GADL1: variants seen among roughly 807,000 people sequenced by gnomAD.
GADL1 encodes the protein GAD like acidic amino acid decarboxylase 1.
Under a neutral mutation model 69.5 loss-of-function variants are expected in GADL1, and 71 were observed. The ratio of observed to expected loss-of-function variants is 1.02; its 90% CI spans 0.84 to 1.25. The LOEUF is 1.25. Among genes scored for constraint, GADL1 ranks in the 50% most tolerant of loss-of-function variants. GADL1 has a pLI of 0.00. For missense variants in GADL1, 737 were observed against 631.8 expected, an observed-to-expected ratio of 1.17 and a Z score of -1.79; for synonymous variants, 254 against 214.4, an observed-to-expected ratio of 1.18 and a Z score of -1.62.
Position 30,854,711 on chromosome 3 carries a change from A to G in GADL1, c.416T>C (p.Leu139Ser). ...GCATGGCACTTACACACTTGGATTC[A>G]ATGCTTCGGTCATAAATCGGGCCAC... ...SLVARFMTEALNPSVYTYEVS... is the reference protein window; with the variant it reads ...SLVARFMTEASNPSVYTYEVS... The change falls in exon 4 of 15, where the codon TTG becomes TCG. Residue 139 changes from leucine to serine, a missense_variant. Transcript: ENST00000282538. 6.5e-7 allele frequency: 1 copy of G among 1,546,868 alleles called. No individual in the cohort carries two copies. The highest frequency in any genetic ancestry group is 8.7e-7 in the Non-Finnish European group (1 of 1,142,912).
rs558313127 is a variant in GADL1, at chr3:30,870,056, T to G, written c.38-8291A>C. ...TTCATCCAATCAGCAAATACTTATATTTAGTGCCTATTATGTATAGAACTC... is the reference window on the plus strand; with the variant it reads ...TTCATCCAATCAGCAAATACTTATAGTTAGTGCCTATTATGTATAGAACTC... On this transcript the variant is annotated intron_variant, in intron 1 of 14. Transcript: ENST00000282538. Among the ~76,000 whole-genome samples the G allele has an allele frequency of 8.6e-5, 13 of 151,980 alleles. 1 individual carries two copies. Among genetic ancestry groups the G allele is most frequent in the African/African-American group, 3.1e-4 (13 of 41,406 alleles).
At chr3:30,784,936 C>A (rs1347953605) in intron 13 of GADL1, among the ~76,000 whole-genome samples, 1 of 152,280 alleles carries the variant, frequency 6.6e-6, no homozygotes, top group African/African-American at 2.4e-5. Context: ...AAAGACAGAA[C>A]TCTCTTCAGC....
At chr3:30,801,758 C>T (rs1263689141) in intron 11 of GADL1, among the ~76,000 whole-genome samples, 1 of 152,140 alleles carries the variant, frequency 6.6e-6, no homozygotes, top group African/African-American at 2.4e-5. Flanking sequence ...GATTATAGGG[C>T]CTTTGCCTCG....
chr3:30,742,653 T>C (rs946086559), intron 14 of GADL1, among the ~76,000 whole-genome samples: 3 of 152,104 alleles, frequency 2.0e-5, no homozygotes, highest in African/African-American at 7.2e-5. Flanking sequence ...CATTAACTCA[T>C]GGTGGTCAAG....
At chr3:30,880,099 C>A (rs1698623547) in intron 1 of GADL1, among the ~76,000 whole-genome samples, 1 of 151,820 alleles carries the variant, frequency 6.6e-6, no homozygotes, top group Admixed American at 6.6e-5. Flanking sequence ...AAACACAGTC[C>A]TCTGCCTCTG....
intron 14 of GADL1, among the ~76,000 whole-genome samples, chr3:30,768,215 C>T (rs528328475): frequency 6.6e-5 from 10 of 152,098 alleles, no homozygotes; most frequent in Admixed American, 2.0e-4. Context: ...AGCACTTTAT[C>T]GTCTGGAAAT....
chr3:30,833,991 A>T lies in GADL1; in HGVS notation c.969-57T>A, dbSNP rs567186096. On this transcript the variant is annotated intron_variant, in intron 10 of 14. Transcript: ENST00000282538. ...GAGGACTCAATTAGTTTCTACAGGC[A>T]ATGGAATACTATCATTATCAATATC... The T allele has an allele frequency of 2.6e-6, 3 of 1,168,592 alleles. No individual in the cohort carries two copies. In the African/African-American group the frequency reaches 4.5e-5, roughly 18 times the overall value. The allele number at this position is 1,168,592 out of a possible 1,614,324, so 72.4% of individuals were successfully genotyped here. A position where few individuals can be genotyped will look rare whatever the true frequency, so the allele number is the denominator to read the frequency against.
intron 6 of GADL1, among the ~76,000 whole-genome samples, chr3:30,844,850 G>C (rs896016986): frequency 1.3e-5 from 2 of 152,136 alleles, no homozygotes; most frequent in Non-Finnish European, 1.5e-5. Flanking sequence ...GAACAAACTA[G>C]GACACCGGAG....
At chr3:30,741,130 ATATATATATG>A (rs1466418855) in intron 14 of GADL1, among the ~76,000 whole-genome samples, 34 of 134,698 alleles carry the variant, frequency 2.5e-4, no homozygotes, top group South Asian at 4.7e-4. Flanking sequence ...ATATATATAT[ATATATATATG>A]TGTGAGATAG....
chr3:30,786,359 A>C lies in GADL1; in HGVS notation c.1298T>G (p.Met433Arg). ...IKKREGFKLLMEPEYANICFW... is the reference protein window; with the variant it reads ...IKKREGFKLLREPEYANICFW... ...CACAATTATGCAATCACTTACTTCCATCAGTAACTTGAATCCTTCTCTTTT... is the reference window on the plus strand; with the variant it reads ...CACAATTATGCAATCACTTACTTCCCTCAGTAACTTGAATCCTTCTCTTTT... The change falls in exon 13 of 15, where the codon ATG becomes AGG. Residue 433 changes from methionine (M) to arginine (R), a missense_variant. By Grantham distance (91) the Met-to-Arg change is moderately conservative (BLOSUM62 -1). Coordinates refer to ENST00000282538, the MANE Select transcript of GADL1 (RefSeq NM_207359.3). 1 of 1,556,244 alleles carries C rather than the reference A, an allele frequency of 6.4e-7. No individual in the cohort carries two copies. The highest frequency in any genetic ancestry group is 8.9e-7 in the Non-Finnish European group (1 of 1,128,526).
chr3:30,801,415 T>A (rs1697162795), intron 11 of GADL1, among the ~76,000 whole-genome samples: 1 of 151,954 alleles, frequency 6.6e-6, no homozygotes, highest in South Asian at 2.1e-4. Flanking sequence ...TGTCTATAAC[T>A]CAAAGTGCTC....
At chr3:30,877,749 G>C (rs1026051800) in intron 1 of GADL1, among the ~76,000 whole-genome samples, 1 of 151,910 alleles carries the variant, frequency 6.6e-6, no homozygotes, top group African/African-American at 2.4e-5. Flanking sequence ...GAAGGACTTT[G>C]ATTTGACTTT....
intron 13 of GADL1, among the ~76,000 whole-genome samples, chr3:30,784,051 A>T (rs554451929): frequency 1.3e-5 from 2 of 152,338 alleles, no homozygotes; most frequent in South Asian, 4.1e-4. Context: ...CTCAAACCCG[A>T]GAAAATATAA....
intron 3 of GADL1, among the ~76,000 whole-genome samples, chr3:30,855,765 G>A (rs762963818): frequency 7.9e-5 from 12 of 151,808 alleles, no homozygotes; most frequent in Non-Finnish European, 1.8e-4. Flanking sequence ...CTACATTTGA[G>A]TATTTGGGAA....
chr3:30,802,266 G>T (rs1432083323), intron 11 of GADL1, among the ~76,000 whole-genome samples: 4 of 152,166 alleles, frequency 2.6e-5, no homozygotes, highest in Non-Finnish European at 4.4e-5. Context: ...GGTCAAGCAG[G>T]TTCTTGGGAG....
chr3:30,843,695 C>G (rs1024014148), intron 8 of GADL1, among the ~76,000 whole-genome samples: 5 of 152,154 alleles, frequency 3.3e-5, no homozygotes, highest in African/African-American at 1.2e-4. Flanking sequence ...GATGTTCTGT[C>G]ACTGAACTAC....
intron 2 of GADL1, among the ~76,000 whole-genome samples, chr3:30,860,572 A>G (rs1390559172): frequency 3.9e-5 from 6 of 152,072 alleles, no homozygotes; most frequent in African/African-American, 1.2e-4. Context: ...TCATGCATCA[A>G]TCTATTTTCC....
intron 11 of GADL1, among the ~76,000 whole-genome samples, chr3:30,803,719 A>G (rs1697202685): frequency 6.6e-6 from 1 of 152,230 alleles, no homozygotes; most frequent in Non-Finnish European, 1.5e-5. Context: ...GATTTACTTT[A>G]TCAAAAATAA....
At chr3:30,854,210 T>C (rs1023621073) in intron 4 of GADL1, among the ~76,000 whole-genome samples, 1 of 152,170 alleles carries the variant, frequency 6.6e-6, no homozygotes, top group African/African-American at 2.4e-5. Flanking sequence ...CAGAGCACAC[T>C]CTCCTGAGCT....
Sources: gnomAD v4.1 joint callset for allele counts (sites outside exome capture counted in the v4.1 genomes callset) on GRCh38, gnomAD v4.1.1 for gene constraint, MANE v1.5 for transcripts, NCBI Gene and HGNC (gene_info 2026-07-23, HGNC 2026-07-21) for gene names.